Variants in KIAA1671 observed in about 807,000 individuals in gnomAD.
KIAA1671 encodes the protein KIAA1671.
A neutral mutation model predicts 131.2 loss-of-function variants in KIAA1671; 52 were observed. That is an observed-to-expected ratio of 0.40 (90% CI 0.32 to 0.50). The LOEUF (loss-of-function observed/expected upper bound fraction) is 0.50. Among genes scored for constraint, KIAA1671 ranks in the 20% least tolerant of loss-of-function variants. The pLI is 0.73. For missense variants in KIAA1671, 2,360 were observed against 2,364.2 expected (o/e 1.00, Z 0.04); for synonymous variants, 1,003 against 961.6 (o/e 1.04, Z -0.80).
At chr22:24,960,656 T>C (rs1293296553) in intron 1 of KIAA1671, among the ~76,000 whole-genome samples, 2 of 3,768 alleles carry the variant, frequency 5.3e-4, no homozygotes, top group East Asian at 0.022. Flanking sequence ...TTCAGGTTCT[T>C]TTTTTTTTTT....
intron 6 of KIAA1671, among the ~76,000 whole-genome samples, chr22:25,169,752 G>A (rs1933777353): frequency 6.6e-6 from 1 of 151,748 alleles, no homozygotes; most frequent in African/African-American, 2.4e-5. Context: ...CAGCACCCTT[G>A]CTCCCTGCGT....
Position 25,075,502 on chromosome 22 carries a change from C to CT in KIAA1671, c.4530+26149dup, listed in dbSNP as rs376665483. Among the ~76,000 whole-genome samples the CT allele has an allele frequency of 3.5e-3, 508 of 147,180 alleles. 4 individuals carry two copies. In the South Asian group the frequency reaches 0.04, roughly 12 times the overall value. ...GCTGAATGAGTGAATCAGTGCGCAT[C>CT]TTTTTTTTTTTGAGATGGAGTCTCT... is the stretch of plus-strand genomic sequence containing the variant. On this transcript the variant is annotated intron_variant, in intron 6 of 12. Transcript: ENST00000358431.
At chr22:25,161,044 CCCCCTTCCTT>C (rs1378660331) in intron 6 of KIAA1671, among the ~76,000 whole-genome samples, 1 of 151,560 alleles carries the variant, frequency 6.6e-6, no homozygotes, top group Admixed American at 6.6e-5. Context: ...TCTAGTCTGA[CCCCCTTCCTT>C]CCCCTTCCCT....
intron 6 of KIAA1671, chr22:25,049,586 G>T (rs1927426975): frequency 2.0e-6 from 1 of 512,362 alleles, no homozygotes; most frequent in East Asian, 3.1e-5. Flanking sequence ...TTCCTCTTGA[G>T]TTTCCAGCCC....
intron 1 of KIAA1671, chr22:25,010,184 T>G (rs1924959449): frequency 6.6e-6 from 1 of 152,034 alleles, no homozygotes; most frequent in Non-Finnish European, 1.5e-5. Context: ...ATTTGCACTT[T>G]TTTTTTCTTT....
Position 25,179,445 on chromosome 22 carries a change from T to G in KIAA1671, c.5074+1923T>G, listed in dbSNP as rs1568994928. On this transcript the variant is annotated intron_variant, in intron 9 of 12. Transcript: ENST00000358431. The stretch of plus-strand genomic sequence containing the variant: ...GCTGAGCTCCATTTGTAGTTGAGCT[T>G]CTCCTCCGCCTGGCGGCTGAAGTTG... 4.3e-6 allele frequency: 7 copies of G among 1,613,532 alleles called. No homozygotes were observed. In the South Asian group the frequency reaches 4.4e-5, roughly 10 times the overall value.
chr22:25,079,395 C>T (rs1357757956), intron 6 of KIAA1671, among the ~76,000 whole-genome samples: 1 of 152,052 alleles, frequency 6.6e-6, no homozygotes, highest in Admixed American at 6.6e-5. Context: ...AATTAACATT[C>T]TAGTGGGGTG....
intron 6 of KIAA1671, among the ~76,000 whole-genome samples, chr22:25,133,156 A>G (rs1932519079): frequency 6.6e-6 from 1 of 152,200 alleles, no homozygotes; most frequent in Non-Finnish European, 1.5e-5. Flanking sequence ...TTTATTATGC[A>G]AATATACATT....
intron 9 of KIAA1671, among the ~76,000 whole-genome samples, chr22:25,180,765 C>T (rs1216080625): frequency 6.6e-6 from 1 of 152,214 alleles, no homozygotes; most frequent in Non-Finnish European, 1.5e-5. Flanking sequence ...AGAGTTCTCT[C>T]TCCCACTCCT....
At chr22:25,169,488 C>T (rs576030290) in intron 6 of KIAA1671, among the ~76,000 whole-genome samples, 4 of 151,732 alleles carry the variant, frequency 2.6e-5, no homozygotes, top group East Asian at 1.9e-4. Flanking sequence ...CAGCCAAGGC[C>T]GTCTGAGTCA....
Position 25,096,197 on chromosome 22 carries a change from A to G in KIAA1671, c.4530+46833A>G, listed in dbSNP as rs6004438. 3.2e-3 allele frequency among the ~76,000 whole-genome samples: 486 copies of G among 152,294 alleles called. 2 individuals are homozygous for G. Among genetic ancestry groups the G allele is most frequent in the African/African-American group, 0.011 (461 of 41,558 alleles). On this transcript the variant is annotated intron_variant, in intron 6 of 12. Transcript: ENST00000358431. Reference sequence around the variant, plus strand: ...GTACACGGCGAACCTGACACTCGACACACCAACTCTAGCATCTCAGAACTC... The same window carrying G: ...GTACACGGCGAACCTGACACTCGACGCACCAACTCTAGCATCTCAGAACTC...
At chr22:24,986,682 T>TCCACCCACCCATCCATCCATCCATCCAC (rs1569199009) in intron 1 of KIAA1671, among the ~76,000 whole-genome samples, 1 of 48,230 alleles carries the variant, frequency 2.1e-5, no homozygotes, top group Non-Finnish European at 3.9e-5. Context: ...CATCCACCCA[T>TCCACCCACCCATCCATCCATCCATCCAC]CCACCCACCC....
At chr22:25,078,338 A>G (rs1423505604) in intron 6 of KIAA1671, among the ~76,000 whole-genome samples, 6 of 152,210 alleles carry the variant, frequency 3.9e-5, no homozygotes. Context: ...CAGCTTGGGT[A>G]ACACAGCAAT....
intron 1 of KIAA1671, among the ~76,000 whole-genome samples, chr22:24,965,708 C>G (rs1569193539): frequency 2.7e-5 from 4 of 146,798 alleles, no homozygotes; most frequent in Non-Finnish European, 5.9e-5. Flanking sequence ...CCATTGCACT[C>G]CAGCTTGGGC....
At chr22:25,044,030 A>G (rs1211525490) in intron 5 of KIAA1671, among the ~76,000 whole-genome samples, 1 of 140,464 alleles carries the variant, frequency 7.1e-6, no homozygotes, top group African/African-American at 3.0e-5. Context: ...TCATGCGGTG[A>G]GGATTTGCCT....
chr22:24,967,746 A>G (rs927135682), intron 1 of KIAA1671, among the ~76,000 whole-genome samples: 2 of 152,014 alleles, frequency 1.3e-5, no homozygotes, highest in South Asian at 2.1e-4. Flanking sequence ...TAATCCCAGC[A>G]CTCTGGGAGG....
At chr22:25,037,410 G>A (rs1926674438) in intron 4 of KIAA1671, among the ~76,000 whole-genome samples, 1 of 150,356 alleles carries the variant, frequency 6.7e-6, no homozygotes, top group South Asian at 2.1e-4. Context: ...GTATATATGT[G>A]TGTATATATA....
rs1416094160 is a variant in KIAA1671, at chr22:25,193,469, T to G, written c.*1068T>G. ...CCAAACTGGCCTCAGAACAGATGCA[T>G]GAATGAAGGGTACTTTTTGCTTTTG... On this transcript the variant is annotated 3_prime_UTR_variant, in exon 13 of 13. Coordinates refer to ENST00000358431, the MANE Select transcript of KIAA1671 (RefSeq NM_001145206.2). The G allele has an allele frequency of 6.6e-6, 1 of 152,246 alleles. No homozygotes were observed. The highest frequency in any genetic ancestry group is 2.4e-5 in the African/African-American group (1 of 41,460). The allele number at this position is 152,246 out of a possible 1,614,324, so 9.4% of individuals were successfully genotyped here. A position where few individuals can be genotyped will look rare whatever the true frequency, so the allele number is the denominator to read the frequency against.
intron 6 of KIAA1671, among the ~76,000 whole-genome samples, chr22:25,152,283 C>T (rs1163345369): frequency 6.6e-6 from 1 of 152,146 alleles, no homozygotes; most frequent in East Asian, 1.9e-4. Flanking sequence ...GTGACTGGGA[C>T]CCAGGCCAAG....
Sources: allele counts gnomAD v4.1 joint callset (sites outside exome capture counted in the v4.1 genomes callset), GRCh38; gene constraint gnomAD v4.1.1; transcripts MANE v1.5; gene names NCBI Gene and HGNC (gene_info 2026-07-23, HGNC 2026-07-21).